Variants in CDH13 observed in about 807,000 individuals in gnomAD.
CDH13 encodes the protein cadherin 13, also known as cadherin-13.
CDH13 carries 24 observed loss-of-function variants against 63.8 expected under a neutral mutation model. The observed-to-expected ratio is 0.38, with a 90% CI of 0.27 to 0.53. CDH13 has a LOEUF of 0.53. Among genes scored for constraint, CDH13 ranks in the 20% least tolerant of loss-of-function variants. The pLI is 0.85. For missense variants in CDH13, 1,049 were observed against 903.1 expected (o/e 1.16, Z -2.07); for synonymous variants, 503 against 355.3 (o/e 1.42, Z -4.67).
At chr16:83,086,368 G>T (rs1218820065) in intron 3 of CDH13, among the ~76,000 whole-genome samples, 1 of 152,174 alleles carries the variant, frequency 6.6e-6, no homozygotes, top group African/African-American at 2.4e-5. Flanking sequence ...AAGGTACTCT[G>T]AGACTTAGTG....
At chr16:83,048,555 C>T (rs766445502) in intron 3 of CDH13, among the ~76,000 whole-genome samples, 2 of 152,150 alleles carry the variant, frequency 1.3e-5, no homozygotes, top group Non-Finnish European at 2.9e-5. Flanking sequence ...CTAGTGCCTA[C>T]AGTTTTCTGT....
chr16:83,067,703 A>G (rs1432493635), intron 3 of CDH13, among the ~76,000 whole-genome samples: 2 of 152,234 alleles, frequency 1.3e-5, no homozygotes, highest in Non-Finnish European at 2.9e-5. Flanking sequence ...GTAGGTTAGG[A>G]AAATACTGAA....
chr16:83,474,280 G>C (rs1370533977), intron 6 of CDH13, among the ~76,000 whole-genome samples: 1 of 152,114 alleles, frequency 6.6e-6, no homozygotes, highest in Non-Finnish European at 1.5e-5. Context: ...ACAGTCATAG[G>C]TGTCAGCCCA....
chr16:83,557,148 C>T (rs1480930580), intron 7 of CDH13, among the ~76,000 whole-genome samples: 1 of 152,096 alleles, frequency 6.6e-6, no homozygotes, highest in East Asian at 1.9e-4. Flanking sequence ...ACCTTATTGT[C>T]AACTGCATGT....
In CDH13 at chr16:83,666,293, T is replaced by C. The variant is rs1302837356; in HGVS notation, c.1102-4497T>C. Among the ~76,000 whole-genome samples the C allele has an allele frequency of 3.3e-5, 5 of 152,236 alleles. No individual in the cohort carries two copies. In the East Asian group the frequency reaches 7.7e-4, roughly 23 times the overall value. ...TATATAATGGGGTTAAAACATTGAA[T>C]AGAATTAATAGAATGAGTATTTAAT... On this transcript the variant is annotated intron_variant, in intron 8 of 13. Transcript: ENST00000567109.
At chr16:82,970,546 C>A (rs1361780253) in intron 2 of CDH13, among the ~76,000 whole-genome samples, 5 of 143,770 alleles carry the variant, frequency 3.5e-5, no homozygotes, top group Non-Finnish European at 6.2e-5. Context: ...ACTACAGGCG[C>A]CCGCCACCGC....
chr16:83,142,552 C>G (rs182583272), intron 4 of CDH13, among the ~76,000 whole-genome samples: 38 of 152,302 alleles, frequency 2.5e-4, no homozygotes, highest in African/African-American at 7.9e-4. Flanking sequence ...ATTCCCCAAA[C>G]TGAATCAGGT....
At chr16:82,814,940 T>C (rs540384184) in intron 1 of CDH13, among the ~76,000 whole-genome samples, 27 of 152,268 alleles carry the variant, frequency 1.8e-4, no homozygotes, top group South Asian at 4.2e-4. Context: ...GCTTGATGTA[T>C]TGGGGAAAAA....
At chr16:82,643,781 T>G (rs1357876610) in intron 1 of CDH13, among the ~76,000 whole-genome samples, 1 of 152,208 alleles carries the variant, frequency 6.6e-6, no homozygotes, top group Non-Finnish European at 1.5e-5. Flanking sequence ...CTTTCTCTGT[T>G]GCCCAGGCTG....
chr16:82,697,960 C>A (rs544354857), intron 1 of CDH13, among the ~76,000 whole-genome samples: 4 of 152,218 alleles, frequency 2.6e-5, no homozygotes, highest in African/African-American at 9.6e-5. Flanking sequence ...TAATCTACCC[C>A]ATAGATGAGC....
intron 1 of CDH13, among the ~76,000 whole-genome samples, chr16:82,682,282 A>G (rs764148314): frequency 5.3e-5 from 8 of 152,198 alleles, no homozygotes; most frequent in Non-Finnish European, 1.2e-4. Context: ...TGCTGATTCC[A>G]TCTGTCTAGG....
At chr16:82,919,907 TC>T (rs1278257336) in intron 2 of CDH13, among the ~76,000 whole-genome samples, 1 of 152,042 alleles carries the variant, frequency 6.6e-6, no homozygotes, top group Non-Finnish European at 1.5e-5. Context: ...AAACTTAGAG[TC>T]AAATGAGGGG....
chr16:83,299,412 G>A (rs1330669571), intron 5 of CDH13, among the ~76,000 whole-genome samples: 1 of 152,062 alleles, frequency 6.6e-6, no homozygotes, highest in East Asian at 1.9e-4. Flanking sequence ...GACTCCTCAT[G>A]CTTGCAGCAC....
At chr16:83,006,850 G>A (rs1046372511) in intron 2 of CDH13, among the ~76,000 whole-genome samples, 1 of 152,062 alleles carries the variant, frequency 6.6e-6, no homozygotes, top group Non-Finnish European at 1.5e-5. Context: ...AATGTAATTT[G>A]CCACTAAAAT....
intron 5 of CDH13, among the ~76,000 whole-genome samples, chr16:83,326,760 T>G (rs186917370): frequency 6.6e-6 from 1 of 152,234 alleles, no homozygotes; most frequent in East Asian, 1.9e-4. Context: ...GCCAGGACAC[T>G]TAAGAAAGTT....
intron 4 of CDH13, among the ~76,000 whole-genome samples, chr16:83,188,751 T>C (rs910701782): frequency 6.6e-5 from 10 of 152,264 alleles, no homozygotes; most frequent in Non-Finnish European, 1.2e-4. Context: ...TCTTTCTTTT[T>C]AGAAATTGAG....
At chr16:83,254,463 TC>T (rs1905966083) in intron 5 of CDH13, among the ~76,000 whole-genome samples, 1 of 152,180 alleles carries the variant, frequency 6.6e-6, no homozygotes, top group African/African-American at 2.4e-5. Flanking sequence ...GCCATATTTC[TC>T]CTTTTTACCT....
At chr16:82,918,086 G>A (rs1053560864) in intron 2 of CDH13, among the ~76,000 whole-genome samples, 13 of 152,288 alleles carry the variant, frequency 8.5e-5, no homozygotes, top group African/African-American at 2.4e-4. Context: ...CAAACCTGCT[G>A]CGAGGCAGCT....
intron 7 of CDH13, among the ~76,000 whole-genome samples, chr16:83,487,914 C>A (rs1275089968): frequency 2.0e-5 from 3 of 152,228 alleles, no homozygotes; most frequent in African/African-American, 7.2e-5. Flanking sequence ...CTGTCCTCAT[C>A]CACCTGATTC....
Sources: allele counts gnomAD v4.1 joint callset (sites outside exome capture counted in the v4.1 genomes callset), GRCh38; gene constraint gnomAD v4.1.1; transcripts MANE v1.5; gene names NCBI Gene and HGNC (gene_info 2026-07-23, HGNC 2026-07-21).